COL25A1: variants seen among roughly 807,000 people sequenced by gnomAD.
COL25A1 encodes collagen type XXV alpha 1 chain.
Under a neutral mutation model 128.4 loss-of-function variants are expected in COL25A1, and 103 were observed. The ratio of observed to expected loss-of-function variants is 0.80; its 90% CI spans 0.68 to 0.94. The LOEUF is 0.94. Ranked by LOEUF, COL25A1 falls within the 40% of genes least tolerant of loss-of-function variation. The pLI, the probability that COL25A1 is intolerant of heterozygous loss-of-function variation, is 0.00. For missense variants in COL25A1, 745 were observed against 840.0 expected (o/e 0.89, Z 1.40); for synonymous variants, 279 against 277.2 (o/e 1.01, Z -0.06).
intron 13 of COL25A1, among the ~76,000 whole-genome samples, chr4:108,916,852 C>T (rs1744936893): frequency 6.6e-6 from 1 of 152,044 alleles, no homozygotes; most frequent in Admixed American, 6.6e-5. Flanking sequence ...GGCGAGTGTG[C>T]GGTGTTTGGT....
At chr4:109,126,521 C>T (rs1440978865) in intron 3 of COL25A1, among the ~76,000 whole-genome samples, 2 of 152,120 alleles carry the variant, frequency 1.3e-5, no homozygotes, top group East Asian at 1.9e-4. Flanking sequence ...AAATTTAAAA[C>T]ATTGCACATT....
intron 3 of COL25A1, among the ~76,000 whole-genome samples, chr4:109,075,122 T>A (rs1401611110): frequency 6.6e-6 from 1 of 152,206 alleles, no homozygotes; most frequent in Non-Finnish European, 1.5e-5. Flanking sequence ...AGTTTTATGA[T>A]GAGAATATGA....
chr4:108,825,668 A>G (rs761611529), intron 33 of COL25A1, among the ~76,000 whole-genome samples: 6 of 152,192 alleles, frequency 3.9e-5, no homozygotes, highest in Non-Finnish European at 8.8e-5. Flanking sequence ...CTGATTTAAA[A>G]ACATACCAGC....
At chr4:109,020,933 A>G (rs909101072) in intron 5 of COL25A1, among the ~76,000 whole-genome samples, 3 of 152,186 alleles carry the variant, frequency 2.0e-5, no homozygotes, top group African/African-American at 7.2e-5. Flanking sequence ...TTCAGCTTAC[A>G]ACTTTTTGAC....
intron 9 of COL25A1, among the ~76,000 whole-genome samples, 180 bp downstream of exon 9, chr4:108,941,186 T>C (rs1748043009): frequency 6.6e-6 from 1 of 152,202 alleles, no homozygotes; most frequent in Non-Finnish European, 1.5e-5. Flanking sequence ...TTTTGGTAAT[T>C]TATCTAACAT....
At position 109,145,213 on chromosome 4, in the gene COL25A1, G is replaced by A. The variant is rs189877801; in HGVS notation, c.368-95034C>T. Among the ~76,000 whole-genome samples the A allele has an allele frequency of 6.9e-3, 1,048 of 151,820 alleles. 40 individuals carry two copies. Among genetic ancestry groups the A allele is most frequent in the Admixed American group, 0.059 (897 of 15,260 alleles). ...CTCCCGAGTAGCTGGGACTACAGGC[G>A]CCCGCCACCAAGCCCAGCTAATTTA... On this transcript the variant is annotated intron_variant, in intron 3 of 37. Coordinates refer to ENST00000399132, the MANE Select transcript of COL25A1 (RefSeq NM_198721.4).
At chr4:109,204,346 G>C (rs1776817487) in intron 3 of COL25A1, among the ~76,000 whole-genome samples, 1 of 152,064 alleles carries the variant, frequency 6.6e-6, no homozygotes, top group Admixed American at 6.6e-5. Context: ...TATAATTTGA[G>C]ATAATAATTC....
chr4:108,860,656 A>G (rs563456228), intron 23 of COL25A1, among the ~76,000 whole-genome samples: 81 of 152,228 alleles, frequency 5.3e-4, no homozygotes, highest in Non-Finnish European at 1.1e-3. Context: ...AAATTCCATT[A>G]GCTGGATGGG....
intron 5 of COL25A1, among the ~76,000 whole-genome samples, chr4:109,029,033 T>C (rs1384170347): frequency 1.8e-4 from 28 of 152,142 alleles, no homozygotes; most frequent in Non-Finnish European, 7.3e-5. Flanking sequence ...CAATATTTGA[T>C]GAGTGTGGGC....
At chr4:109,192,998 T>C (rs551878727) in intron 3 of COL25A1, among the ~76,000 whole-genome samples, 7 of 152,280 alleles carry the variant, frequency 4.6e-5, no homozygotes, top group Admixed American at 3.9e-4. Flanking sequence ...ATCCTGATCT[T>C]GGACTTCTAG....
chr4:109,066,436 C>G (rs560035648), intron 3 of COL25A1, among the ~76,000 whole-genome samples: 46 of 152,196 alleles, frequency 3.0e-4, no homozygotes, highest in Non-Finnish European at 5.1e-4. Context: ...TTGATTAATA[C>G]TTTGAATACT....
chr4:108,835,148 C>T (rs1348273819), intron 31 of COL25A1, among the ~76,000 whole-genome samples: 1 of 152,186 alleles, frequency 6.6e-6, no homozygotes, highest in African/African-American at 2.4e-5. Flanking sequence ...TCAGACAATG[C>T]ATGCTTTTCT....
intron 5 of COL25A1, among the ~76,000 whole-genome samples, chr4:109,015,903 C>A (rs1757164325): frequency 6.6e-6 from 1 of 152,224 alleles, no homozygotes; most frequent in Non-Finnish European, 1.5e-5. Flanking sequence ...AGTGGCCCAT[C>A]TGGAGTGGCT....
chr4:108,926,981 G>A (rs1346985471), intron 11 of COL25A1, among the ~76,000 whole-genome samples: 2 of 152,232 alleles, frequency 1.3e-5, no homozygotes, highest in Non-Finnish European at 1.5e-5. Flanking sequence ...AAGTGGGTAT[G>A]AAGGAACACA....
chr4:109,002,056 TAAC>T (rs1755477096), intron 6 of COL25A1, among the ~76,000 whole-genome samples: 1 of 152,176 alleles, frequency 6.6e-6, no homozygotes, highest in Non-Finnish European at 1.5e-5. Context: ...AGACAAAAGA[TAAC>T]AAGTGTTGGT....
chr4:108,971,343 C>T (rs1334552841), intron 8 of COL25A1, among the ~76,000 whole-genome samples: 3 of 152,052 alleles, frequency 2.0e-5, no homozygotes, highest in Admixed American at 1.3e-4. Context: ...AAGAACCTTG[C>T]TTTTATGGAA....
intron 3 of COL25A1, among the ~76,000 whole-genome samples, chr4:109,140,908 AT>A (rs1770335666): frequency 6.6e-6 from 1 of 152,116 alleles, no homozygotes; most frequent in Admixed American, 6.5e-5. Flanking sequence ...CTCTCCTCCT[AT>A]GTGAATACCC....
At chr4:109,280,886 C>T (rs958684790) in intron 3 of COL25A1, among the ~76,000 whole-genome samples, 2 of 151,924 alleles carry the variant, frequency 1.3e-5, no homozygotes, top group Non-Finnish European at 2.9e-5. Context: ...ACCTTGTGAT[C>T]CGCCCACCTC....
At chr4:109,200,609 C>T (rs570427150) in intron 3 of COL25A1, among the ~76,000 whole-genome samples, 2 of 152,110 alleles carry the variant, frequency 1.3e-5, no homozygotes, top group Admixed American at 6.5e-5. Flanking sequence ...CACCACCATG[C>T]CCTGCTGATT....
Sources: gnomAD v4.1 joint callset for allele counts (sites outside exome capture counted in the v4.1 genomes callset) on GRCh38, gnomAD v4.1.1 for gene constraint, MANE v1.5 for transcripts, NCBI Gene and HGNC (gene_info 2026-07-23, HGNC 2026-07-21) for gene names.